The following EYS variants were observed in gnomAD, a reference collection of about 807,000 sequenced individuals.
The protein encoded by EYS is protein eyes shut homolog.
A neutral mutation model predicts 282.1 loss-of-function variants in EYS; 250 were observed. The ratio of observed to expected loss-of-function variants is 0.89; its 90% CI spans 0.80 to 0.98. The LOEUF (loss-of-function observed/expected upper bound fraction) is 0.98. Among genes scored for constraint, EYS ranks in the 50% least tolerant of loss-of-function variants. The pLI is 0.00. For missense variants in EYS, 4,016 were observed against 3,709.0 expected, an observed-to-expected ratio of 1.08 and a Z score of -2.15; for synonymous variants, 1,355 against 1,282.9, an observed-to-expected ratio of 1.06 and a Z score of -1.20.
chr6:65,120,084 A>G (rs6915326), intron 12 of EYS, among the ~76,000 whole-genome samples: 40,966 of 147,382 alleles, frequency 0.28, 6,692 homozygotes, highest in African/African-American at 0.45. Context: ...ACCGGCAGGC[A>G]GAGCTTGCAG....
chr6:64,857,292 C>T (rs1766093217), intron 19 of EYS, among the ~76,000 whole-genome samples: 1 of 152,126 alleles, frequency 6.6e-6, no homozygotes, highest in African/African-American at 2.4e-5. Flanking sequence ...TCTCCTTTTG[C>T]CCAACCTCTG....
chr6:64,137,358 C>A (rs1003201691), intron 31 of EYS, among the ~76,000 whole-genome samples: 3 of 152,158 alleles, frequency 2.0e-5, no homozygotes, highest in African/African-American at 7.2e-5. Context: ...TGGAGTAGCA[C>A]TTTTGATTTC....
intron 12 of EYS, among the ~76,000 whole-genome samples, chr6:65,288,168 G>T (rs781194850): frequency 6.6e-6 from 1 of 150,878 alleles, no homozygotes; most frequent in Non-Finnish European, 1.5e-5. Context: ...CTGTTTTTCA[G>T]AATGTAAGGA....
In EYS at chr6:63,721,135, T is replaced by C. The variant is rs1364009251; in HGVS notation, c.8896A>G (p.Lys2966Glu). 2 of 1,551,456 alleles carry C rather than the reference T, an allele frequency of 1.3e-6. No individual in the cohort carries two copies. Among genetic ancestry groups the C allele is most frequent in the Non-Finnish European group, 1.7e-6 (2 of 1,146,736 alleles). ...ATTCTATAATTTGGATCAATGTATTTAATGTAAGAATTACCCATAAATTTT... is the reference window on the plus strand; with the variant it reads ...ATTCTATAATTTGGATCAATGTATTCAATGTAAGAATTACCCATAAATTTT... Reference protein sequence around the residue: ...TAKFMGNSYIKYIDPNYRMRN... With the variant: ...TAKFMGNSYIEYIDPNYRMRN... Residue 2966 changes from lysine (K) to glutamate (E), a missense_variant, in exon 43 of 43, where the codon AAA becomes GAA. Coordinates refer to ENST00000503581, the MANE Select transcript of EYS (RefSeq NM_001142800.2).
At chr6:64,045,913 A>T (rs1001857874) in intron 33 of EYS, among the ~76,000 whole-genome samples, 4 of 143,590 alleles carry the variant, frequency 2.8e-5, no homozygotes, top group Non-Finnish European at 6.1e-5. Flanking sequence ...ATATATGTTT[A>T]TTATATATGT....
In EYS at chr6:64,856,663, A is replaced by G. The variant is rs559831696; in HGVS notation, c.2992+30034T>C. Reference sequence around the variant, plus strand: ...TAAGAGTTATTTGTGTATTTTGAATATAAGTTTCTTAACATATGCACGTTT... The same window carrying G: ...TAAGAGTTATTTGTGTATTTTGAATGTAAGTTTCTTAACATATGCACGTTT... On this transcript the variant is annotated intron_variant, in intron 19 of 42. Transcript: ENST00000503581. Among the ~76,000 whole-genome samples the G allele has an allele frequency of 3.3e-5, 5 of 152,282 alleles. No individual in the cohort carries two copies. In the South Asian group the frequency reaches 1.0e-3, roughly 32 times the overall value.
At chr6:63,771,704 A>G (rs1459984340) in intron 40 of EYS, among the ~76,000 whole-genome samples, 2 of 152,206 alleles carry the variant, frequency 1.3e-5, no homozygotes, top group African/African-American at 2.4e-5. Flanking sequence ...CTCTTAAGCC[A>G]CAGTGTAGGG....
In EYS at chr6:65,459,033, G is replaced by A. The variant is rs1436976006; in HGVS notation, c.862+31561C>T. ...TTTTTAAATTGTTGATATTTAATAGGATTTGTTCTAAAAAATGCTTTTATA... is the reference window on the plus strand; with the variant it reads ...TTTTTAAATTGTTGATATTTAATAGAATTTGTTCTAAAAAATGCTTTTATA... On this transcript the variant is annotated intron_variant, in intron 5 of 42. Transcript: ENST00000503581. 5.9e-5 allele frequency among the ~76,000 whole-genome samples: 9 copies of A among 151,958 alleles called. No homozygotes were observed. The East Asian group carries it at 1.5e-3, about 26-fold the overall frequency.
intron 14 of EYS, among the ~76,000 whole-genome samples, chr6:64,973,256 G>A (rs1444388686): frequency 2.6e-5 from 4 of 152,006 alleles, no homozygotes; most frequent in Non-Finnish European, 4.4e-5. Flanking sequence ...TCACTTAACA[G>A]ATACTTACTG....
intron 35 of EYS, among the ~76,000 whole-genome samples, chr6:63,934,907 T>A (rs543981777): frequency 7.8e-4 from 114 of 145,692 alleles, no homozygotes; most frequent in African/African-American, 3.2e-3. Context: ...AATAAAAAAA[T>A]AAAAATAACA....
intron 7 of EYS, among the ~76,000 whole-genome samples, chr6:65,389,843 T>C (rs1326444232): frequency 6.6e-6 from 1 of 152,058 alleles, no homozygotes; most frequent in Admixed American, 6.6e-5. Context: ...ACAGGTTTGG[T>C]GTTTTCAGGT....
At chr6:65,570,274 A>C (rs1478986850) in intron 2 of EYS, among the ~76,000 whole-genome samples, 4 of 152,192 alleles carry the variant, frequency 2.6e-5, no homozygotes, top group Non-Finnish European at 5.9e-5. Context: ...AGAAGAGCCT[A>C]GACCTTTCTT....
At chr6:63,978,094 A>G (rs1363057980) in intron 35 of EYS, among the ~76,000 whole-genome samples, 1 of 152,032 alleles carries the variant, frequency 6.6e-6, no homozygotes, top group African/African-American at 2.4e-5. Flanking sequence ...CAGAGTATGT[A>G]CACCATCAAT....
chr6:65,408,738 T>C (rs1426577436), intron 5 of EYS, among the ~76,000 whole-genome samples: 1 of 152,198 alleles, frequency 6.6e-6, no homozygotes, highest in Non-Finnish European at 1.5e-5. Context: ...TACTGTCCTC[T>C]TTTGTTTGTA....
intron 29 of EYS, among the ~76,000 whole-genome samples, chr6:64,359,743 TTC>T (rs1242007740): frequency 6.6e-6 from 1 of 151,642 alleles, no homozygotes; most frequent in Non-Finnish European, 1.5e-5. Context: ...GATCTCTAGC[TTC>T]TTTCTCTTAA....
intron 35 of EYS, among the ~76,000 whole-genome samples, chr6:63,904,306 A>G (rs145448888): frequency 1.3e-5 from 2 of 152,288 alleles, no homozygotes; most frequent in African/African-American, 4.8e-5. Context: ...TCATCTTAAT[A>G]CATTCTTACT....
chr6:65,577,604 A>G (rs903212890), intron 2 of EYS, among the ~76,000 whole-genome samples: 1 of 151,912 alleles, frequency 6.6e-6, no homozygotes, highest in Non-Finnish European at 1.5e-5. Flanking sequence ...AAGTTTCTGC[A>G]CTGCAAAGGA....
chr6:64,391,212 T>C (rs531843602), intron 28 of EYS, among the ~76,000 whole-genome samples: 128 of 151,794 alleles, frequency 8.4e-4, no homozygotes, highest in Non-Finnish European at 1.8e-3. Flanking sequence ...CAGGATATTA[T>C]CCAGGAGAAC....
intron 35 of EYS, among the ~76,000 whole-genome samples, chr6:63,887,318 T>TTTG: frequency 6.8e-6 from 1 of 146,352 alleles, no homozygotes; most frequent in African/African-American, 2.5e-5. Flanking sequence ...AAAGGTGTTT[T>TTTG]TTTTTTTTTT....
Sources: gnomAD v4.1 joint callset for allele counts (sites outside exome capture counted in the v4.1 genomes callset) on GRCh38, gnomAD v4.1.1 for gene constraint, MANE v1.5 for transcripts, NCBI Gene and HGNC (gene_info 2026-07-23, HGNC 2026-07-21) for gene names.